CSF2RA: variants seen among roughly 807,000 people sequenced by gnomAD.
CSF2RA encodes the protein granulocyte-macrophage colony-stimulating factor receptor subunit alpha.
Under a neutral mutation model 51.6 loss-of-function variants are expected in CSF2RA, and 42 were observed. The observed-to-expected ratio is 0.81, with a 90% CI of 0.64 to 1.05. The LOEUF is 1.05. Ranked by LOEUF, CSF2RA falls within the 50% of genes least tolerant of loss-of-function variation. The pLI, the probability that CSF2RA is intolerant of heterozygous loss-of-function variation, is 0.00. For synonymous variants in CSF2RA, 222 were observed against 193.0 expected, an observed-to-expected ratio of 1.15 and a Z score of -1.24; for missense variants, 530 against 501.1, an observed-to-expected ratio of 1.06 and a Z score of -0.55.
chrX:1,323,155 AATT>A, the CSF2RA span, among the ~76,000 whole-genome samples: 704 of 41,502 alleles, frequency 0.017, 9 homozygotes, highest in African/African-American at 0.042. Context: ...AATACATTAC[AATT>A]ATAAAATAAA....
intron 2 of CSF2RA, among the ~76,000 whole-genome samples, chrX:1,277,260 C>T (rs1164032019): frequency 1.3e-5 from 2 of 152,082 alleles, no homozygotes; most frequent in Non-Finnish European, 1.5e-5. Context: ...GAAAGGGGTT[C>T]GGATCCAGCC....
intron 1 of CSF2RA, among the ~76,000 whole-genome samples, chrX:1,272,817 CT>C (rs1395638356): frequency 2.3e-5 from 2 of 86,400 alleles, no homozygotes; most frequent in South Asian, 3.4e-4. Flanking sequence ...TTTTTTCTTT[CT>C]TTTTTTCTTT....
chrX:1,288,597 A>G lies in CSF2RA; in HGVS notation c.298A>G (p.Thr100Ala). 6.2e-7 allele frequency: 1 copy of G among 1,614,000 alleles called. No homozygotes were observed. The change falls in exon 5 of 13, where the codon ACT becomes GCT. Residue 100 changes from threonine to alanine, a missense_variant. By Grantham distance (58) the Thr-to-Ala change is moderately conservative. Coordinates refer to ENST00000381529, the MANE Select transcript of CSF2RA (RefSeq NM_172245.4). ...EGVTFEVHVN[T>A]SQRGFQQKLL... ...AGTCACATTTGAGGTTCACGTGAAT[A>G]CTAGTCAAAGAGGATTTCAACAGAA...
the CSF2RA span, among the ~76,000 whole-genome samples, chrX:1,317,878 C>T: frequency 6.6e-6 from 1 of 151,224 alleles, no homozygotes; most frequent in African/African-American, 2.4e-5. Context: ...CGACTCTTGG[C>T]TCACGGCAGC....
At chrX:1,280,402 C>T (rs1478741672) in intron 2 of CSF2RA, among the ~76,000 whole-genome samples, 13 of 146,080 alleles carry the variant, frequency 8.9e-5, no homozygotes, top group African/African-American at 3.0e-4. Context: ...ACCCGGGAGG[C>T]GGAGGTTGCA....
rs187903608 is a variant in CSF2RA, at chrX:1,301,535, C to G, written c.946+909C>G. ...GGGAAACAATCAGTCAGTCTTTGTC[C>G]GGTCAAACCGTCACCATTCCGGCTC... On this transcript the variant is annotated intron_variant, in intron 10 of 12. Transcript: ENST00000381529. 6.8e-3 allele frequency among the ~76,000 whole-genome samples: 1,019 copies of G among 150,558 alleles called. 12 individuals carry two copies. The highest frequency in any genetic ancestry group is 0.024 in the African/African-American group (967 of 40,998).
At chrX:1,305,845 T>G in intron 12 of CSF2RA, 1 of 1,474,994 alleles carries the variant, frequency 6.8e-7, no homozygotes, top group Non-Finnish European at 9.3e-7. Context: ...CTTTGGGAGG[T>G]TGAGGCATGT....
At chrX:1,320,891 G>C in the CSF2RA span, among the ~76,000 whole-genome samples, 1 of 151,402 alleles carries the variant, frequency 6.6e-6, no homozygotes, top group Non-Finnish European at 1.5e-5. Context: ...CCAAGTTCGA[G>C]TACAGTGGCG....
chrX:1,308,572 A>C (rs547239268), intron 12 of CSF2RA, among the ~76,000 whole-genome samples: 23 of 152,122 alleles, frequency 1.5e-4, no homozygotes, highest in African/African-American at 5.1e-4. Flanking sequence ...GGGGAACTCC[A>C]GTTGCAGCCC....
rs1395328591 is a variant in CSF2RA, at chrX:1,300,576, C to T, written c.896C>T (p.Ala299Val). ...AAACACAGTGTGAAGATCAGAGCTGCAGACGTCCGCATCTTGAATTGGAGC... is the reference window on the plus strand; with the variant it reads ...AAACACAGTGTGAAGATCAGAGCTGTAGACGTCCGCATCTTGAATTGGAGC... The part of the protein sequence containing the change: ...RAKHSVKIRA[A>V]DVRILNWSSW... The change falls in exon 10 of 13, where the codon GCA (alanine) becomes GTA (valine). Residue 299 changes from alanine to valine, a missense_variant. By Grantham distance (64) the Ala-to-Val change is moderately conservative. Transcript: ENST00000381529. 3 of 1,613,810 alleles carry T rather than the reference C, an allele frequency of 1.9e-6. No individual in the cohort carries two copies. Among genetic ancestry groups the T allele is most frequent in the Non-Finnish European group, 2.5e-6 (3 of 1,179,870 alleles).
intron 6 of CSF2RA, 65 bp from the exon 7 acceptor site, chrX:1,290,272 G>A (rs1447438040): frequency 1.5e-6 from 2 of 1,315,682 alleles, no homozygotes; most frequent in Non-Finnish European, 2.2e-6. Flanking sequence ...TTTTTGTTTT[G>A]TTTTGTGTTT....
the CSF2RA span, among the ~76,000 whole-genome samples, chrX:1,325,110 C>T: frequency 1.3e-5 from 2 of 151,448 alleles, no homozygotes; most frequent in African/African-American, 2.4e-5. Flanking sequence ...CCTGTCATCC[C>T]AGCACTTTGG....
At position 1,275,982 on chromosome X, in the gene CSF2RA, A is replaced by G. The variant is rs781067986; in HGVS notation, c.-27+1164A>G. ...TGCTGGGATTACAGGCGTAAGCCACAGCGTCCAGCTATTTTATTTTATTTG... is the reference window on the plus strand; with the variant it reads ...TGCTGGGATTACAGGCGTAAGCCACGGCGTCCAGCTATTTTATTTTATTTG... On this transcript the variant is annotated intron_variant, in intron 2 of 12. Transcript: ENST00000381529. Among the ~76,000 whole-genome samples, 132 of 149,864 alleles carry G rather than the reference A, an allele frequency of 8.8e-4. 1 individual carries two copies. In the South Asian group the frequency reaches 0.016, roughly 19 times the overall value.
intron 3 of CSF2RA, among the ~76,000 whole-genome samples, chrX:1,282,984 C>G (rs2090212947): frequency 6.6e-6 from 1 of 152,128 alleles, no homozygotes; most frequent in Admixed American, 6.6e-5. Flanking sequence ...TCCACCCATT[C>G]TACAGATGAG....
At chrX:1,297,041 C>T (rs1198398483) in intron 9 of CSF2RA, among the ~76,000 whole-genome samples, 1 of 65,238 alleles carries the variant, frequency 1.5e-5, no homozygotes, top group African/African-American at 7.6e-5. Context: ...CGGAACCCTA[C>T]AGTCCCCTAC....
chrX:1,286,425 C>T (rs1225916858), intron 4 of CSF2RA, among the ~76,000 whole-genome samples: 25 of 151,240 alleles, frequency 1.7e-4, no homozygotes, highest in Non-Finnish European at 3.1e-4. Flanking sequence ...AAAAATTAGT[C>T]GGGCATGGTG....
chrX:1,311,666 C>A (rs148712087), downstream of CSF2RA, among the ~76,000 whole-genome samples: 1,784 of 152,196 alleles, frequency 0.012, 39 homozygotes, highest in African/African-American at 0.041. Flanking sequence ...GGCTGGTCTC[C>A]ATCTGACCTC....
chrX:1,279,620 G>A (rs1210995057), intron 2 of CSF2RA, among the ~76,000 whole-genome samples: 1 of 151,914 alleles, frequency 6.6e-6, no homozygotes, highest in African/African-American at 2.4e-5. Flanking sequence ...GGGTGCCACA[G>A]TCCAGTGGGG....
intron 4 of CSF2RA, chrX:1,287,276 C>T (rs1439233753): frequency 6.6e-6 from 1 of 151,198 alleles, no homozygotes; most frequent in Admixed American, 6.6e-5. Flanking sequence ...ATCTCAGCCT[C>T]CTGAGTAGCT....
Sources: allele counts gnomAD v4.1 joint callset (sites outside exome capture counted in the v4.1 genomes callset), GRCh38; gene constraint gnomAD v4.1.1; transcripts MANE v1.5; gene names NCBI Gene and HGNC (gene_info 2026-07-23, HGNC 2026-07-21).